The following CELSR1 variants were observed in gnomAD, a reference collection of about 807,000 sequenced individuals.
CELSR1 encodes adhesion G protein-coupled receptor C1.
Under a neutral mutation model 249.1 loss-of-function variants are expected in CELSR1, and 110 were observed. That is an observed-to-expected ratio of 0.44 (90% CI 0.38 to 0.52). The LOEUF is 0.52. CELSR1 is among the 20% of genes least tolerant of loss of function. The pLI is 0.00. For synonymous variants in CELSR1, 2,113 were observed against 1,900.0 expected (o/e 1.11, Z -2.92); for missense variants, 4,109 against 4,296.4 (o/e 0.96, Z 1.22).
At chr22:46,438,956 C>T (rs1243331139) in intron 3 of CELSR1, among the ~76,000 whole-genome samples, 3 of 152,110 alleles carry the variant, frequency 2.0e-5, no homozygotes, top group Non-Finnish European at 4.4e-5. Flanking sequence ...TGGGGTTTTG[C>T]CATGTTGACT....
chr22:46,488,307 G>A lies in CELSR1; in HGVS notation c.3545-23962C>T, dbSNP rs572564176. Among the ~76,000 whole-genome samples, 1 of 152,014 alleles carries A rather than the reference G, an allele frequency of 6.6e-6. No individual in the cohort carries two copies. Among genetic ancestry groups the A allele is most frequent in the African/African-American group, 2.4e-5 (1 of 41,442 alleles). ...CTACATGGGAAGCCCTGCCCTCCTG[G>A]GGACAGGGGGATGGTCTTGGGGGAT... On this transcript the variant is annotated intron_variant, in intron 1 of 34. Transcript: ENST00000674500. This position sits in a 1 kb window ranked among gnomAD's most constrained non-coding sequence, Gnocchi z 4.7.
intron 2 of CELSR1, among the ~76,000 whole-genome samples, chr22:46,461,575 A>G (rs2080027782): frequency 6.6e-6 from 1 of 152,222 alleles, no homozygotes; most frequent in African/African-American, 2.4e-5. Flanking sequence ...CTCATCTGAC[A>G]AAGCCAGAGG....
intron 1 of CELSR1, among the ~76,000 whole-genome samples, chr22:46,480,425 A>C (rs1296426123): frequency 6.6e-6 from 1 of 152,236 alleles, no homozygotes; most frequent in East Asian, 1.9e-4. Context: ...GAACCTTTCA[A>C]AGTTCTTATC....
In CELSR1 at chr22:46,512,358, G is replaced by T. The variant is rs1250184545; in HGVS notation, c.3544+21269C>A. On this transcript the variant is annotated intron_variant, in intron 1 of 34. Coordinates refer to ENST00000674500, the MANE Select transcript of CELSR1 (RefSeq NM_001378328.1). The surrounding 1 kb of genome is among the most constrained non-coding windows in gnomAD (Gnocchi z 5.2). ...GGCCAAGGCAGGCGGATCACATGAG[G>T]TCAGGAGATCGAGACCATCCTGGCC... 6.6e-6 allele frequency among the ~76,000 whole-genome samples: 1 copy of T among 152,172 alleles called. No homozygotes were observed. Among genetic ancestry groups the T allele is most frequent in the Non-Finnish European group, 1.5e-5 (1 of 68,042 alleles).
Position 46,410,480 on chromosome 22 carries a change from G to A in CELSR1, c.4851C>T (p.Phe1617=), listed in dbSNP as rs770946159. 5.0e-6 allele frequency: 8 copies of A among 1,613,982 alleles called. No homozygotes were observed. Among genetic ancestry groups the A allele is most frequent in the Admixed American group, 3.3e-5 (2 of 59,988 alleles). ...PEDFPVHNRQ[F]VGCMRNLSVD... The stretch of plus-strand genomic sequence containing the variant: ...CTGACAGGTTCCGCATGCAGCCCAC[G>A]AACTGCCGGTTGTGCACTGGGAAGT... Residue 1617 remains phenylalanine (F), a synonymous_variant, in exon 7 of 35, where the codon TTC becomes TTT. Coordinates refer to ENST00000674500, the MANE Select transcript of CELSR1 (RefSeq NM_001378328.1). This position sits in a 1 kb window ranked among gnomAD's most constrained non-coding sequence, Gnocchi z 6.8.
chr22:46,458,846 G>A lies in CELSR1; in HGVS notation c.4183+4861C>T, dbSNP rs544975004. On this transcript the variant is annotated intron_variant, in intron 2 of 34. Coordinates refer to ENST00000674500, the MANE Select transcript of CELSR1 (RefSeq NM_001378328.1). ...AGTGAGAGCAGAGCCCAGGACTTCC[G>A]TTCTTGGTCACCAGTAGAGAGTACT... 5.3e-5 allele frequency among the ~76,000 whole-genome samples: 8 copies of A among 152,282 alleles called. No individual in the cohort carries two copies. In the South Asian group the frequency reaches 8.3e-4, roughly 16 times the overall value.
At chr22:46,504,717 A>G (rs1444970639) in intron 1 of CELSR1, among the ~76,000 whole-genome samples, 1 of 152,168 alleles carries the variant, frequency 6.6e-6, no homozygotes, top group African/African-American at 2.4e-5. Flanking sequence ...AATTAGCACA[A>G]ATATTCCCGA....
rs185510577 is a variant in CELSR1 at position 46,433,963 on chromosome 22, G to A, written c.4523-482C>T. 3.3e-4 allele frequency among the ~76,000 whole-genome samples: 51 copies of A among 152,330 alleles called. No individual in the cohort carries two copies. Among genetic ancestry groups the A allele is most frequent in the African/African-American group, 9.9e-4 (41 of 41,570 alleles). On this transcript the variant is annotated intron_variant, in intron 4 of 34. Transcript: ENST00000674500. The surrounding 1 kb of genome is among the most constrained non-coding windows in gnomAD (Gnocchi z 5.7). ...CTCCCAAACTGCTGGGATAACGGGC[G>A]TGAGCCACCGCGCCTGGCCTTGTTC... is the stretch of plus-strand genomic sequence containing the variant.
At chr22:46,375,778 C>T (rs886598280) in intron 24 of CELSR1, among the ~76,000 whole-genome samples, 1 of 152,186 alleles carries the variant, frequency 6.6e-6, no homozygotes, top group African/African-American at 2.4e-5. Context: ...TCCTTGACCT[C>T]AAGTGATCTG....
chr22:46,405,732 GAT>G (rs1306850704), intron 9 of CELSR1, among the ~76,000 whole-genome samples: 1 of 152,142 alleles, frequency 6.6e-6, no homozygotes, highest in East Asian at 1.9e-4. Flanking sequence ...TGGGCTGTGG[GAT>G]TACAATGGAG....
chr22:46,419,724 G>A (rs1239338522), intron 5 of CELSR1, among the ~76,000 whole-genome samples: 1 of 152,078 alleles, frequency 6.6e-6, no homozygotes, highest in African/African-American at 2.4e-5. Flanking sequence ...ACTCACGTGT[G>A]TACACTCACC....
In CELSR1 at chr22:46,490,283, ATTTTG is replaced by A. The variant is rs1250500031; in HGVS notation, c.3545-25943_3545-25939del. On this transcript the variant is annotated intron_variant, in intron 1 of 34. Transcript: ENST00000674500. This position sits in a 1 kb window ranked among gnomAD's most constrained non-coding sequence, Gnocchi z 5.2. ...GGTCACCTGGAGAGGTTTTATTTTTATTTTGTTTTATTTTTATTTTTGAGACAGAG... is the reference window on the plus strand; with the variant it reads ...GGTCACCTGGAGAGGTTTTATTTTTATTTTATTTTTATTTTTGAGACAGAG... Among the ~76,000 whole-genome samples, 10 of 151,988 alleles carry A rather than the reference ATTTTG, an allele frequency of 6.6e-5. No individual in the cohort carries two copies. In the East Asian group the frequency reaches 1.2e-3, roughly 18 times the overall value.
intron 1 of CELSR1, among the ~76,000 whole-genome samples, chr22:46,530,915 G>C (rs1473474093): frequency 6.6e-6 from 1 of 152,202 alleles, no homozygotes; most frequent in Non-Finnish European, 1.5e-5. Flanking sequence ...CCTCCAGGCT[G>C]GTCATATTGC....
chr22:46,422,778 A>T (rs1383173119), intron 5 of CELSR1, among the ~76,000 whole-genome samples: 1 of 151,522 alleles, frequency 6.6e-6, no homozygotes, highest in East Asian at 1.9e-4. Context: ...AAAAAAAAAA[A>T]AATGGCTCAT....
At position 46,362,899 on chromosome 22, in the gene CELSR1, C is replaced by T. The variant is rs1044421397; in HGVS notation, c.*324G>A. On this transcript the variant is annotated 3_prime_UTR_variant, in exon 35 of 35. Transcript: ENST00000674500. ...CAGCCTCTGGGCCCAGTCTGGGGTC[C>T]CCTCTCAGTTCTGGCTTTGACTGCA... 8.5e-6 allele frequency: 4 copies of T among 472,096 alleles called. No individual in the cohort carries two copies. Among genetic ancestry groups the T allele is most frequent in the Non-Finnish European group, 1.1e-5 (3 of 263,482 alleles). 29.2% of individuals were successfully genotyped at this position (472,096 alleles called of 1,614,324 possible).
rs1050719212 is a variant in CELSR1, at chr22:46,537,132, CAGCAGCACG to C, written c.30_38del (p.Val11_Leu13del). On this transcript the variant is annotated inframe_deletion, in exon 1 of 35. Transcript: ENST00000674500. This position sits in a 1 kb window ranked among gnomAD's most constrained non-coding sequence, Gnocchi z 5.8. ...GCAGGGCGGCGGCGGCGGCCAGGAG[CAGCAGCACG>C]GGCAGCACGGGCGGCGGCGGCGGCG... 9.7e-7 allele frequency: 1 copy of C among 1,034,740 alleles called. No individual in the cohort carries two copies. Among genetic ancestry groups the C allele is most frequent in the Non-Finnish European group, 1.2e-6 (1 of 864,712 alleles). 64.1% of individuals were successfully genotyped at this position (1,034,740 alleles called of 1,614,324 possible).
rs374794680 is a variant in CELSR1 at position 46,517,516 on chromosome 22, A to G, written c.3544+16111T>C. 2.6e-5 allele frequency among the ~76,000 whole-genome samples: 4 copies of G among 152,292 alleles called. No individual in the cohort carries two copies. Among genetic ancestry groups the G allele is most frequent in the East Asian group, 3.9e-4 (2 of 5,176 alleles). On this transcript the variant is annotated intron_variant, in intron 1 of 34. Coordinates refer to ENST00000674500, the MANE Select transcript of CELSR1 (RefSeq NM_001378328.1). The surrounding 1 kb of genome is among the most constrained non-coding windows in gnomAD (Gnocchi z 5.4). ...CTGATGTGCACTGTCCCGGCGCCCC[A>G]GGCCGGCTCTTGTCTTGGTACCTCT...
intron 1 of CELSR1, among the ~76,000 whole-genome samples, chr22:46,509,906 A>G (rs1005553614): frequency 6.6e-6 from 1 of 152,210 alleles, no homozygotes; most frequent in Non-Finnish European, 1.5e-5. Context: ...CCAGTGAGGA[A>G]CGAAAGACAC....
Position 46,390,349 on chromosome 22 carries a change from C to T in CELSR1, c.6345+43G>A, listed in dbSNP as rs773783849. The T allele has an allele frequency of 2.8e-5, 42 of 1,488,584 alleles. No homozygotes were observed. Among genetic ancestry groups the T allele is most frequent in the Admixed American group, 1.3e-4 (7 of 54,830 alleles). 92.2% of individuals were successfully genotyped at this position (1,488,584 alleles called of 1,614,324 possible). On this transcript the variant is annotated intron_variant, in intron 17 of 34. Coordinates refer to ENST00000674500, the MANE Select transcript of CELSR1 (RefSeq NM_001378328.1). This position sits in a 1 kb window ranked among gnomAD's most constrained non-coding sequence, Gnocchi z 6.3. ...AAACTCTCTCACGCATACACGAACA[C>T]ACACGTGCCCCTGCTGAACACACAT...
Sources: allele counts gnomAD v4.1 joint callset (sites outside exome capture counted in the v4.1 genomes callset), GRCh38; gene constraint gnomAD v4.1.1; non-coding constraint Gnocchi (gnomAD v3.1); transcripts MANE v1.5; gene names NCBI Gene and HGNC (gene_info 2026-07-23, HGNC 2026-07-21).